Variants in CCDC150 observed in about 807,000 individuals in gnomAD.
CCDC150 encodes the protein coiled-coil domain-containing protein 150.
Under a neutral mutation model 156.5 loss-of-function variants are expected in CCDC150, and 151 were observed. The ratio of observed to expected loss-of-function variants is 0.97; its 90% CI spans 0.85 to 1.10. CCDC150 has a LOEUF of 1.10. CCDC150 is among the 50% of genes least tolerant of loss of function. CCDC150 has a pLI of 0.00. For missense variants in CCDC150, 1,312 were observed against 1,268.1 expected (o/e 1.03, Z -0.53); for synonymous variants, 452 against 429.4 (o/e 1.05, Z -0.65).
At chr2:196,642,424 G>T (rs1692283085) in intron 1 of CCDC150, among the ~76,000 whole-genome samples, 1 of 152,140 alleles carries the variant, frequency 6.6e-6, no homozygotes, top group Non-Finnish European at 1.5e-5. Context: ...TACCAGATGG[G>T]GAGGACAGGC....
At chr2:196,722,734 G>A (rs750767860) in intron 21 of CCDC150, among the ~76,000 whole-genome samples, 15 of 151,968 alleles carry the variant, frequency 9.9e-5, no homozygotes, top group South Asian at 4.1e-4. Flanking sequence ...TTATGTAGTC[G>A]TTGGCAGCAT....
chr2:196,732,769 A>G lies in CCDC150; in HGVS notation c.*207A>G. 1 of 372,866 alleles carries G rather than the reference A, an allele frequency of 2.7e-6. No individual in the cohort carries two copies. Among genetic ancestry groups the G allele is most frequent in the Admixed American group, 4.2e-5 (1 of 23,604 alleles). 23.1% of individuals were successfully genotyped at this position (372,866 alleles called of 1,614,324 possible). A position where few individuals can be genotyped will look rare whatever the true frequency, so the allele number is the denominator to read the frequency against. ...TTGTCCCTTTTCACATTTTCCACCCAATAAATTTGTGTTAATTTGTTGTAT... is the reference window on the plus strand; with the variant it reads ...TTGTCCCTTTTCACATTTTCCACCCGATAAATTTGTGTTAATTTGTTGTAT... On this transcript the variant is annotated 3_prime_UTR_variant, in exon 28 of 28. Coordinates refer to ENST00000389175, the MANE Select transcript of CCDC150 (RefSeq NM_001080539.2).
intron 15 of CCDC150, among the ~76,000 whole-genome samples, chr2:196,704,810 C>T (rs1317326314): frequency 6.6e-6 from 1 of 152,086 alleles, no homozygotes; most frequent in Non-Finnish European, 1.5e-5. Flanking sequence ...GTTTGTTTTT[C>T]TGTCCTTGAG....
chr2:196,724,241 T>G (rs575148172), intron 21 of CCDC150, among the ~76,000 whole-genome samples: 20 of 152,182 alleles, frequency 1.3e-4, no homozygotes, highest in Non-Finnish European at 2.8e-4. Flanking sequence ...TTAAAATTTG[T>G]TAAGAGGGTA....
intron 8 of CCDC150, among the ~76,000 whole-genome samples, chr2:196,670,696 G>C (rs1266460081): frequency 1.3e-5 from 2 of 151,608 alleles, no homozygotes; most frequent in Non-Finnish European, 2.9e-5. Context: ...ACTGCTAATA[G>C]GAAAAAATGT....
At chr2:196,649,955 T>A (rs545599695) in intron 2 of CCDC150, among the ~76,000 whole-genome samples, 11 of 152,352 alleles carry the variant, frequency 7.2e-5, no homozygotes, top group Non-Finnish European at 1.3e-4. Context: ...AGAGACAATT[T>A]CACTTCCTCC....
Position 196,676,279 on chromosome 2 carries a change from A to G in CCDC150, c.1262+12A>G. On this transcript the variant is annotated intron_variant, in intron 11 of 27. Transcript: ENST00000389175. ...CTCCAGGCACATCTGTAAGTAAATT[A>G]TGGGCAACTTCTTATACATCTTTTG... The G allele has an allele frequency of 6.2e-7, 1 of 1,612,890 alleles. No homozygotes were observed. Among genetic ancestry groups the G allele is most frequent in the Non-Finnish European group, 8.5e-7 (1 of 1,179,298 alleles).
At chr2:196,656,368 T>TTTC (rs142547483) in intron 2 of CCDC150, among the ~76,000 whole-genome samples, 4,860 of 152,216 alleles carry the variant, frequency 0.032, 110 homozygotes, top group South Asian at 0.088. Flanking sequence ...ATGTGGATAT[T>TTTC]TTCTCAGTTG....
intron 9 of CCDC150, 68 bp from the exon 10 acceptor site, chr2:196,674,170 AAAT>A (rs1177990932): frequency 3.4e-5 from 32 of 939,694 alleles, no homozygotes; most frequent in East Asian, 2.6e-5. Context: ...CAATCATTAA[AAAT>A]AATAATACAT....
Position 196,646,304 on chromosome 2 carries a change from A to T in CCDC150, c.13-37A>T, listed in dbSNP as rs779705618. 25 of 1,596,762 alleles carry T rather than the reference A, an allele frequency of 1.6e-5. No individual in the cohort carries two copies. In the Middle Eastern group the frequency reaches 5.0e-4, roughly 32 times the overall value. ...GCAGTGACTATTTTTGAACAATAAT[A>T]GGACCTACCACACTAAGATTGTGAC... On this transcript the variant is annotated intron_variant, in intron 1 of 27. Coordinates refer to ENST00000389175, the MANE Select transcript of CCDC150 (RefSeq NM_001080539.2).
intron 16 of CCDC150, 54 bp downstream of exon 16, chr2:196,712,306 T>C (rs1697185419): frequency 1.0e-6 from 1 of 959,802 alleles, no homozygotes; most frequent in Non-Finnish European, 1.6e-6. Context: ...TTTTAAGAAA[T>C]TGTTTGATGT....
intron 17 of CCDC150, among the ~76,000 whole-genome samples, chr2:196,714,913 C>T (rs141779091): frequency 4.7e-4 from 72 of 152,068 alleles, no homozygotes; most frequent in African/African-American, 1.6e-3. Flanking sequence ...TGTAAGTTGC[C>T]GTCTTTTGCA....
chr2:196,657,277 A>G (rs1012554108), intron 4 of CCDC150, 141 bp downstream of exon 4: 1 of 791,452 alleles, frequency 1.3e-6, no homozygotes, highest in Non-Finnish European at 2.0e-6. Context: ...TGTTGATTTG[A>G]GGATTCTTGG....
intron 6 of CCDC150, among the ~76,000 whole-genome samples, chr2:196,666,279 A>G (rs1693833746): frequency 6.6e-6 from 1 of 152,202 alleles, no homozygotes; most frequent in South Asian, 2.1e-4. Flanking sequence ...TTTTAATATA[A>G]TTGGATGACA....
intron 13 of CCDC150, among the ~76,000 whole-genome samples, chr2:196,693,243 T>C (rs1285042236): frequency 1.3e-5 from 2 of 152,234 alleles, no homozygotes; most frequent in African/African-American, 4.8e-5. Flanking sequence ...TTGTTGTGTA[T>C]GTGGTCCGTC....
chr2:196,644,951 C>A (rs1369126139), intron 1 of CCDC150, among the ~76,000 whole-genome samples: 18 of 106,274 alleles, frequency 1.7e-4, no homozygotes, highest in Non-Finnish European at 2.6e-4. Flanking sequence ...CCCGTCTCTA[C>A]TAAAAATACA....
chr2:196,647,547 C>A (rs6434874), intron 2 of CCDC150, among the ~76,000 whole-genome samples: 2 of 151,918 alleles, frequency 1.3e-5, no homozygotes, highest in Non-Finnish European at 2.9e-5. Context: ...TACCTAATAA[C>A]AAGAAATATA....
chr2:196,641,854 G>A (rs980021821), intron 1 of CCDC150, among the ~76,000 whole-genome samples: 1 of 152,174 alleles, frequency 6.6e-6, no homozygotes, highest in Non-Finnish European at 1.5e-5. Context: ...ACTTGTATAC[G>A]CTTTTGCCAG....
rs184927212 is a variant in CCDC150 at position 196,652,960 on chromosome 2, C to T, written c.177-3673C>T. Among the ~76,000 whole-genome samples the T allele has an allele frequency of 4.6e-5, 7 of 152,330 alleles. No individual in the cohort carries two copies. The East Asian group carries it at 9.6e-4, about 21-fold the overall frequency. On this transcript the variant is annotated intron_variant, in intron 2 of 27. Coordinates refer to ENST00000389175, the MANE Select transcript of CCDC150 (RefSeq NM_001080539.2). The stretch of plus-strand genomic sequence containing the variant: ...GAGCTGTATCTGGGGCCCTTTGAGC[C>T]ATGGTGAGAGCTAAAGCAGCCAGGA...
Sources: allele counts gnomAD v4.1 joint callset (sites outside exome capture counted in the v4.1 genomes callset), GRCh38; gene constraint gnomAD v4.1.1; transcripts MANE v1.5; gene names NCBI Gene and HGNC (gene_info 2026-07-23, HGNC 2026-07-21).